Variants in MAD1L1 observed in about 807,000 individuals in gnomAD.
MAD1L1 encodes mitotic arrest deficient 1 like 1.
In MAD1L1, 95 loss-of-function variants were observed where a neutral mutation model predicts 96.9. The observed-to-expected ratio is 0.98, with a 90% CI of 0.83 to 1.16. The LOEUF (loss-of-function observed/expected upper bound fraction) is 1.16. MAD1L1 is among the 50% of genes most tolerant of loss of function. The probability of loss-of-function intolerance (pLI) is 0.00; values close to 1 mark genes in which losing one functional copy is unlikely to be tolerated. For synonymous variants in MAD1L1, 473 were observed against 396.6 expected, an observed-to-expected ratio of 1.19 and a Z score of -2.29; for missense variants, 1,007 against 954.4, an observed-to-expected ratio of 1.06 and a Z score of -0.73.
chr7:1,935,988 C>A (rs12699483), intron 17 of MAD1L1, among the ~76,000 whole-genome samples: 5 of 152,170 alleles, frequency 3.3e-5, no homozygotes, highest in Admixed American at 3.3e-4. Flanking sequence ...CAGCTCCCTC[C>A]AACAGCAGAG....
chr7:2,078,157 T>C (rs1446587355), intron 11 of MAD1L1, among the ~76,000 whole-genome samples: 1 of 152,008 alleles, frequency 6.6e-6, no homozygotes, highest in Non-Finnish European at 1.5e-5. Context: ...TCCTTGTGTA[T>C]CTGAGGAGCC....
intron 18 of MAD1L1, among the ~76,000 whole-genome samples, chr7:1,896,567 T>C (rs1786883935): frequency 6.6e-6 from 1 of 152,200 alleles, no homozygotes. Context: ...CAGGTGTAAA[T>C]GAACATGCCT....
At chr7:2,110,140 C>T (rs140683210) in intron 11 of MAD1L1, among the ~76,000 whole-genome samples, 117 of 152,350 alleles carry the variant, frequency 7.7e-4, no homozygotes, top group African/African-American at 2.5e-3. Context: ...ATCTCACACA[C>T]GTTATCAAAA....
intron 10 of MAD1L1, among the ~76,000 whole-genome samples, chr7:2,160,401 T>C (rs894520603): frequency 2.1e-5 from 3 of 145,726 alleles, no homozygotes; most frequent in African/African-American, 2.6e-5. Context: ...GGCGCAATCT[T>C]GGCTCACTGA....
chr7:1,989,534 C>T (rs368762748), intron 14 of MAD1L1, among the ~76,000 whole-genome samples: 2 of 152,230 alleles, frequency 1.3e-5, no homozygotes, highest in African/African-American at 2.4e-5. Flanking sequence ...AGACGGAGCT[C>T]GCACAGCAGC....
In MAD1L1 at chr7:2,214,103, T is replaced by C. The variant is rs116243219; in HGVS notation, c.925-830A>G. On this transcript the variant is annotated intron_variant, in intron 9 of 18. Coordinates refer to ENST00000265854, the MANE Select transcript of MAD1L1 (RefSeq NM_001013836.2). ...CGCGCCAGGCACTGCTCTGAGCACTTTGCATAGACTCATGTGAGCCTCACA... is the reference window on the plus strand; with the variant it reads ...CGCGCCAGGCACTGCTCTGAGCACTCTGCATAGACTCATGTGAGCCTCACA... Among the ~76,000 whole-genome samples the C allele has an allele frequency of 2.4e-3, 361 of 152,306 alleles. 1 individual carries two copies. Among genetic ancestry groups the C allele is most frequent in the African/African-American group, 8.5e-3 (352 of 41,582 alleles).
At chr7:2,046,726 AT>A (rs1363261051) in intron 12 of MAD1L1, among the ~76,000 whole-genome samples, 1 of 152,198 alleles carries the variant, frequency 6.6e-6, no homozygotes, top group African/African-American at 2.4e-5. Context: ...AAGGGGCCAC[AT>A]TCAACCAAGG....
chr7:1,909,276 A>T (rs1787864964), intron 17 of MAD1L1, among the ~76,000 whole-genome samples: 1 of 152,148 alleles, frequency 6.6e-6, no homozygotes, highest in Non-Finnish European at 1.5e-5. Flanking sequence ...GTCCCTGCAG[A>T]GAGTACTCTG....
At chr7:2,059,010 G>A (rs1179418042) in intron 12 of MAD1L1, among the ~76,000 whole-genome samples, 1 of 127,724 alleles carries the variant, frequency 7.8e-6, no homozygotes, top group Non-Finnish European at 1.7e-5. Flanking sequence ...AGGGAGTGTG[G>A]CCAGAGGAGA....
At chr7:2,098,045 GGAA>G (rs1786584622) in intron 11 of MAD1L1, among the ~76,000 whole-genome samples, 1 of 152,174 alleles carries the variant, frequency 6.6e-6, no homozygotes, top group African/African-American at 2.4e-5. Flanking sequence ...GGAAGGCAGC[GGAA>G]TCACTCATGC....
intron 13 of MAD1L1, among the ~76,000 whole-genome samples, chr7:2,008,485 G>C (rs1782137276): frequency 6.6e-6 from 1 of 152,218 alleles, no homozygotes; most frequent in Non-Finnish European, 1.5e-5. Flanking sequence ...TGAGACAAGA[G>C]CTCCCCAAGC....
chr7:2,083,146 G>A lies in MAD1L1; in HGVS notation c.1074-13808C>T, dbSNP rs146021676. ...AAGAAACATCTCCAAAGCATTCCCC[G>A]TGCTGAGTAACAAAACTTTAAGGAG... On this transcript the variant is annotated intron_variant, in intron 11 of 18. Coordinates refer to ENST00000265854, the MANE Select transcript of MAD1L1 (RefSeq NM_001013836.2). 2.4e-4 allele frequency among the ~76,000 whole-genome samples: 36 copies of A among 152,306 alleles called. No individual in the cohort carries two copies. In the East Asian group the frequency reaches 5.6e-3, roughly 24 times the overall value.
At chr7:2,162,870 A>ATTTTTT (rs1230584718) in intron 10 of MAD1L1, among the ~76,000 whole-genome samples, 2 of 147,594 alleles carry the variant, frequency 1.4e-5, no homozygotes, top group Non-Finnish European at 1.5e-5. Context: ...TTGGAGTTTC[A>ATTTTTT]TCTTTTTTTT....
rs144951097 is a variant in MAD1L1, at chr7:2,137,019, G to A, written c.1073+12133C>T. On this transcript the variant is annotated intron_variant, in intron 11 of 18. Transcript: ENST00000265854. ...CGGGCATGAGAGAGGAGGCCTCGAG[G>A]ACCCCACCTCAGTCTCCCCAGATAG... 3.3e-5 allele frequency among the ~76,000 whole-genome samples: 5 copies of A among 152,320 alleles called. No homozygotes were observed. The East Asian group carries it at 9.7e-4, about 29-fold the overall frequency.
intron 12 of MAD1L1, among the ~76,000 whole-genome samples, chr7:2,062,168 A>G (rs111656740): frequency 0.14 from 21,408 of 151,430 alleles, 2,275 homozygotes; most frequent in African/African-American, 0.29. Flanking sequence ...CTTGAACCCA[A>G]GAGACGGAGG....
chr7:1,876,601 A>T (rs1248643773), intron 18 of MAD1L1, among the ~76,000 whole-genome samples: 1 of 152,060 alleles, frequency 6.6e-6, no homozygotes, highest in Non-Finnish European at 1.5e-5. Context: ...GGACTTCTCG[A>T]TGCTGTTTTC....
At chr7:1,832,161 G>C (rs1158024668) in intron 18 of MAD1L1, among the ~76,000 whole-genome samples, 1 of 152,186 alleles carries the variant, frequency 6.6e-6, no homozygotes, top group African/African-American at 2.4e-5. Context: ...ATTTATGAGA[G>C]GAGGTCAAAG....
intron 14 of MAD1L1, among the ~76,000 whole-genome samples, chr7:1,995,161 C>A (rs1033980667): frequency 2.6e-5 from 4 of 152,200 alleles, no homozygotes; most frequent in Admixed American, 6.5e-5. Context: ...AAAGGTTGCT[C>A]CATGTGACAC....
intron 17 of MAD1L1, among the ~76,000 whole-genome samples, chr7:1,936,147 G>C (rs1489816002): frequency 6.6e-6 from 1 of 152,218 alleles, no homozygotes; most frequent in East Asian, 1.9e-4. Flanking sequence ...GCTTGGCGTG[G>C]GCAGACCCCA....
Sources: gnomAD v4.1 joint callset for allele counts (sites outside exome capture counted in the v4.1 genomes callset) on GRCh38, gnomAD v4.1.1 for gene constraint, MANE v1.5 for transcripts, NCBI Gene and HGNC (gene_info 2026-07-23, HGNC 2026-07-21) for gene names.